The following POT1 variants were observed in gnomAD, a reference collection of about 807,000 sequenced individuals.
POT1 encodes the protein protection of telomeres 1, also known as protection of telomeres protein 1.
A neutral mutation model predicts 78.5 loss-of-function variants in POT1; 47 were observed. The observed-to-expected ratio is 0.60, with a 90% CI of 0.47 to 0.76. The LOEUF (loss-of-function observed/expected upper bound fraction) is 0.76. POT1 is among the 30% of genes least tolerant of loss of function. The probability of loss-of-function intolerance (pLI) is 0.00; values close to 1 mark genes in which losing one functional copy is unlikely to be tolerated. For synonymous variants in POT1, 259 were observed against 260.7 expected, an observed-to-expected ratio of 0.99 and a Z score of 0.06; for missense variants, 646 against 749.9, an observed-to-expected ratio of 0.86 and a Z score of 1.62.
At chr7:124,859,733 A>C (rs963456008) in intron 8 of POT1, among the ~76,000 whole-genome samples, 1 of 151,396 alleles carries the variant, frequency 6.6e-6, no homozygotes, top group Non-Finnish European at 1.5e-5. Context: ...AAAAAAAAAA[A>C]ACCATAAAAC....
chr7:124,834,119 G>A (rs561599074), intron 15 of POT1, among the ~76,000 whole-genome samples: 2 of 152,238 alleles, frequency 1.3e-5, no homozygotes, highest in East Asian at 3.9e-4. Context: ...ATGGATTAAA[G>A]ACTTAAATGT....
chr7:124,850,326 A>G (rs562190489), intron 11 of POT1, among the ~76,000 whole-genome samples: 1 of 152,362 alleles, frequency 6.6e-6, no homozygotes, highest in South Asian at 2.1e-4. Flanking sequence ...ATCAGTTAAC[A>G]GCTAAGTAAC....
At position 124,847,427 on chromosome 7, in the gene POT1, G is replaced by A. The variant is rs138271886; in HGVS notation, c.950-429C>T. Among the ~76,000 whole-genome samples, 331 of 152,334 alleles carry A rather than the reference G, an allele frequency of 2.2e-3. 1 individual carries two copies. Among genetic ancestry groups the A allele is most frequent in the Non-Finnish European group, 3.6e-3 (243 of 68,030 alleles). On this transcript the variant is annotated intron_variant, in intron 11 of 18. Coordinates refer to ENST00000357628, the MANE Select transcript of POT1 (RefSeq NM_015450.3). ...GAGAATCACTTGAACCCAGGAGGTG[G>A]AGGCTGCAGTGAGCTGAGATTGTGC...
At chr7:124,928,751 T>C (rs1295252405) in intron 2 of POT1, 64 bp downstream of exon 2, 1 of 152,652 alleles carries the variant, frequency 6.6e-6, no homozygotes. Context: ...ATAAATAAAC[T>C]CAACACTTAA....
At chr7:124,894,320 T>C (rs539594318) in intron 5 of POT1, among the ~76,000 whole-genome samples, 17 of 151,600 alleles carry the variant, frequency 1.1e-4, no homozygotes, top group African/African-American at 3.1e-4. Flanking sequence ...AAGAGAAGCA[T>C]ACTGAACAGT....
chr7:124,856,030 G>A (rs377047586), intron 9 of POT1, among the ~76,000 whole-genome samples: 1 of 152,112 alleles, frequency 6.6e-6, no homozygotes, highest in African/African-American at 2.4e-5. Flanking sequence ...TCAGAAAATA[G>A]TTAAGGGCAA....
intron 13 of POT1, 79 bp from the exon 14 acceptor site, chr7:124,841,257 T>A: frequency 8.8e-7 from 1 of 1,130,622 alleles, no homozygotes; most frequent in Non-Finnish European, 1.3e-6. Flanking sequence ...GTTATCAAAT[T>A]AAAAAGTATC....
At chr7:124,855,218 C>CAAAAAAAAAAAAA (rs550056711) in intron 9 of POT1, among the ~76,000 whole-genome samples, 3 of 52,486 alleles carry the variant, frequency 5.7e-5, no homozygotes, top group African/African-American at 1.6e-4. Flanking sequence ...GAGAGGAGAG[C>CAAAAAAAAAAAAA]AAAAAAAAAA....
At chr7:124,920,117 C>G (rs764262343) in intron 2 of POT1, among the ~76,000 whole-genome samples, 3 of 152,042 alleles carry the variant, frequency 2.0e-5, no homozygotes, top group Non-Finnish European at 4.4e-5. Context: ...AAATAAAAAC[C>G]TATGTTCAGA....
intron 3 of POT1, among the ~76,000 whole-genome samples, chr7:124,906,980 C>G (rs1004630948): frequency 1.3e-5 from 2 of 152,056 alleles, no homozygotes; most frequent in Non-Finnish European, 1.5e-5. Flanking sequence ...GAAGAGCATA[C>G]TGAAGCCATT....
At chr7:124,905,725 G>A (rs1386356841) in intron 3 of POT1, among the ~76,000 whole-genome samples, 1 of 152,088 alleles carries the variant, frequency 6.6e-6, no homozygotes, top group East Asian at 1.9e-4. Flanking sequence ...GAATATTTTT[G>A]CAATCTACTC....
At chr7:124,867,097 G>A (rs894655289) in intron 7 of POT1, among the ~76,000 whole-genome samples, 2 of 152,082 alleles carry the variant, frequency 1.3e-5, no homozygotes, top group African/African-American at 4.8e-5. Context: ...TCCAGCTTAG[G>A]TGTGTTGGTA....
intron 14 of POT1, among the ~76,000 whole-genome samples, chr7:124,836,036 T>C (rs4731220): frequency 1 from 152,281 of 152,296 alleles, 76,133 homozygotes; most frequent in Middle Eastern, 1. Flanking sequence ...CCAGGCAAAA[T>C]GAAAAGGATT....
intron 12 of POT1, among the ~76,000 whole-genome samples, chr7:124,843,765 G>C (rs902532658): frequency 2.0e-5 from 3 of 152,086 alleles, no homozygotes; most frequent in Admixed American, 1.3e-4. Flanking sequence ...TTTAGAAAAG[G>C]GAAATGATGT....
intron 12 of POT1, chr7:124,843,269 T>G (rs1293379681): frequency 5.3e-6 from 1 of 188,874 alleles, no homozygotes; most frequent in Non-Finnish European, 1.1e-5. Flanking sequence ...AAGAAAATAT[T>G]ACGCTAGGCA....
chr7:124,866,271 A>G (rs577831650), intron 7 of POT1, among the ~76,000 whole-genome samples: 3 of 149,810 alleles, frequency 2.0e-5, no homozygotes, highest in Non-Finnish European at 3.0e-5. Flanking sequence ...AGGCCTTACT[A>G]TAAGATGTGG....
chr7:124,886,006 G>C (rs769283528), intron 6 of POT1, among the ~76,000 whole-genome samples: 15 of 152,160 alleles, frequency 9.9e-5, no homozygotes, highest in South Asian at 2.1e-4. Flanking sequence ...AGGTGAATAT[G>C]AACTTAGGAA....
intron 2 of POT1, among the ~76,000 whole-genome samples, chr7:124,927,402 G>C (rs952086867): frequency 1.3e-5 from 2 of 151,970 alleles, no homozygotes; most frequent in African/African-American, 4.8e-5. Flanking sequence ...ACCTGTGTTT[G>C]TTTTCCAGCT....
At chr7:124,865,226 T>C (rs914636916) in intron 7 of POT1, among the ~76,000 whole-genome samples, 6 of 152,148 alleles carry the variant, frequency 3.9e-5, no homozygotes, top group Non-Finnish European at 5.9e-5. Context: ...CCAGTTGATT[T>C]CAAGATTTTT....
Sources: gnomAD v4.1 joint callset for allele counts (sites outside exome capture counted in the v4.1 genomes callset) on GRCh38, gnomAD v4.1.1 for gene constraint, MANE v1.5 for transcripts, NCBI Gene and HGNC (gene_info 2026-07-23, HGNC 2026-07-21) for gene names.